Variants in CDH13 observed in about 807,000 individuals in gnomAD.
CDH13 encodes the protein cadherin-13.
CDH13 carries 24 observed loss-of-function variants against 63.8 expected under a neutral mutation model. The observed-to-expected ratio is 0.38, with a 90% CI of 0.27 to 0.53. CDH13 has a LOEUF of 0.53. Ranked by LOEUF, CDH13 falls within the 20% of genes least tolerant of loss-of-function variation. The pLI, the probability that CDH13 is intolerant of heterozygous loss-of-function variation, is 0.85. For missense variants in CDH13, 1,049 were observed against 903.1 expected, an observed-to-expected ratio of 1.16 and a Z score of -2.07; for synonymous variants, 503 against 355.3, an observed-to-expected ratio of 1.42 and a Z score of -4.67.
intron 1 of CDH13, among the ~76,000 whole-genome samples, chr16:82,799,847 A>T (rs181946617): frequency 6.6e-6 from 1 of 152,284 alleles, no homozygotes; most frequent in East Asian, 1.9e-4. Flanking sequence ...CTGCCTATCT[A>T]CTGATGATGG....
intron 10 of CDH13, among the ~76,000 whole-genome samples, chr16:83,713,997 G>A (rs1451247721): frequency 6.6e-6 from 1 of 152,158 alleles, no homozygotes; most frequent in Non-Finnish European, 1.5e-5. Context: ...AAATTCCTGG[G>A]CTCATGCTCA....
chr16:83,474,783 C>CT (rs1197367825), intron 6 of CDH13, among the ~76,000 whole-genome samples: 6 of 152,198 alleles, frequency 3.9e-5, no homozygotes, highest in African/African-American at 1.4e-4. Flanking sequence ...GAGCTTAGGG[C>CT]TGGAGAAGGC....
chr16:83,577,003 C>A (rs867467945), intron 7 of CDH13, among the ~76,000 whole-genome samples: 1 of 152,120 alleles, frequency 6.6e-6, no homozygotes, highest in African/African-American at 2.4e-5. Flanking sequence ...AACTAAATAA[C>A]TAATAAGTCC....
intron 2 of CDH13, among the ~76,000 whole-genome samples, chr16:83,027,279 T>C (rs963699878): frequency 3.9e-5 from 6 of 152,174 alleles, no homozygotes; most frequent in African/African-American, 1.4e-4. Flanking sequence ...TTTCTGCTCT[T>C]GGTTCTGGTG....
chr16:83,201,533 C>T (rs1331052986), intron 4 of CDH13, among the ~76,000 whole-genome samples: 1 of 152,088 alleles, frequency 6.6e-6, no homozygotes. Context: ...CATTACCAGA[C>T]ACCACTGGGA....
At chr16:83,098,552 C>T (rs376295786) in intron 3 of CDH13, among the ~76,000 whole-genome samples, 3 of 152,076 alleles carry the variant, frequency 2.0e-5, no homozygotes, top group African/African-American at 7.2e-5. Flanking sequence ...TGATGAATTC[C>T]TTCGCCTTTT....
intron 2 of CDH13, among the ~76,000 whole-genome samples, chr16:82,992,374 T>A (rs7499040): frequency 0.14 from 21,467 of 152,240 alleles, 1,876 homozygotes; most frequent in African/African-American, 0.24. Flanking sequence ...GATTTTGATA[T>A]ATACAATCAG....
chr16:82,887,573 C>G (rs370826230), intron 2 of CDH13, among the ~76,000 whole-genome samples: 1 of 152,146 alleles, frequency 6.6e-6, no homozygotes, highest in African/African-American at 2.4e-5. Flanking sequence ...GTAATCCCAG[C>G]GCTTTGGGAG....
At chr16:83,285,242 T>C (rs762126664) in intron 5 of CDH13, among the ~76,000 whole-genome samples, 2 of 152,188 alleles carry the variant, frequency 1.3e-5, no homozygotes, top group Non-Finnish European at 2.9e-5. Context: ...AAAAAAGTCA[T>C]TATGTAGTTT....
intron 3 of CDH13, among the ~76,000 whole-genome samples, chr16:83,067,938 C>T (rs551743770): frequency 1.3e-5 from 2 of 152,224 alleles, no homozygotes; most frequent in South Asian, 4.2e-4. Flanking sequence ...GAAAAATATC[C>T]CTGGCCTGGG....
intron 2 of CDH13, 59 bp from the exon 3 acceptor site, chr16:83,031,951 C>T: frequency 7.5e-7 from 1 of 1,338,378 alleles, no homozygotes; most frequent in Non-Finnish European, 1.0e-6. Flanking sequence ...TCAGAGATAT[C>T]TCAGAGATAA....
chr16:83,190,849 C>A (rs2038675173), intron 4 of CDH13, among the ~76,000 whole-genome samples: 1 of 152,042 alleles, frequency 6.6e-6, no homozygotes, highest in African/African-American at 2.4e-5. Context: ...TCTTTCCCAT[C>A]TTCTTATAAT....
chr16:83,500,233 C>CCTTCTT (rs1433272462), intron 7 of CDH13, among the ~76,000 whole-genome samples: 1 of 19,026 alleles, frequency 5.3e-5, no homozygotes, highest in African/African-American at 1.8e-4. Context: ...TCTTTCTTCT[C>CCTTCTT]CTTCTTCTTC....
chr16:82,756,852 T>A (rs558558423), intron 1 of CDH13, among the ~76,000 whole-genome samples: 1 of 152,332 alleles, frequency 6.6e-6, no homozygotes, highest in African/African-American at 2.4e-5. Flanking sequence ...ACTATCACCT[T>A]GTCATTATTA....
At chr16:82,630,549 G>A (rs1171133903) in intron 1 of CDH13, among the ~76,000 whole-genome samples, 3 of 152,142 alleles carry the variant, frequency 2.0e-5, no homozygotes, top group Non-Finnish European at 2.9e-5. Flanking sequence ...TCCTCTATGT[G>A]TTATAGTGAA....
At chr16:83,790,646 G>A (rs562900624) in intron 13 of CDH13, among the ~76,000 whole-genome samples, 10 of 152,126 alleles carry the variant, frequency 6.6e-5, no homozygotes, top group South Asian at 6.2e-4. Flanking sequence ...CTCGTGATCC[G>A]CCCGCCTCGG....
chr16:83,045,117 A>T (rs778640157), intron 3 of CDH13, among the ~76,000 whole-genome samples: 1 of 152,222 alleles, frequency 6.6e-6, no homozygotes, highest in African/African-American at 2.4e-5. Context: ...TGCGGTCGGC[A>T]TGACTCCTAT....
chr16:83,585,286 A>G (rs558953956), intron 7 of CDH13, among the ~76,000 whole-genome samples: 2 of 152,150 alleles, frequency 1.3e-5, no homozygotes, highest in African/African-American at 4.8e-5. Context: ...CCATCTCAGG[A>G]TATGGCAAAG....
At chr16:82,737,847 G>A (rs1368514455) in intron 1 of CDH13, among the ~76,000 whole-genome samples, 1 of 152,194 alleles carries the variant, frequency 6.6e-6, no homozygotes, top group Non-Finnish European at 1.5e-5. Flanking sequence ...AATGTATACA[G>A]TGTGATGAGT....
Sources: gnomAD v4.1 joint callset for allele counts (sites outside exome capture counted in the v4.1 genomes callset) on GRCh38, gnomAD v4.1.1 for gene constraint, MANE v1.5 for transcripts, NCBI Gene and HGNC (gene_info 2026-07-23, HGNC 2026-07-21) for gene names.